Variants in NPHP4 observed in about 807,000 individuals in gnomAD.
NPHP4 encodes nephrocystin 4, also known as nephrocystin-4.
NPHP4 carries 151 observed loss-of-function variants against 155.8 expected under a neutral mutation model. The observed-to-expected ratio is 0.97, with a 90% CI of 0.85 to 1.11. NPHP4 has a LOEUF of 1.11. NPHP4 is among the 50% of genes least tolerant of loss of function. The pLI is 0.00. For missense variants in NPHP4, 1,956 were observed against 1,925.7 expected, an observed-to-expected ratio of 1.02 and a Z score of -0.29; for synonymous variants, 845 against 816.8, an observed-to-expected ratio of 1.03 and a Z score of -0.59.
intron 10 of NPHP4, among the ~76,000 whole-genome samples, chr1:5,931,733 CAAAAAAA>C (rs60217132): frequency 1.3e-5 from 1 of 79,312 alleles, no homozygotes; most frequent in Non-Finnish European, 2.3e-5. Flanking sequence ...GACTTCATCT[CAAAAAAA>C]AAAAAAAAAA....
chr1:5,924,059 G>C (rs114234711), intron 11 of NPHP4, among the ~76,000 whole-genome samples: 1 of 152,134 alleles, frequency 6.6e-6, no homozygotes, highest in African/African-American at 2.4e-5. Context: ...AAGCCCAGAC[G>C]AACTTCTAGA....
intron 2 of NPHP4, among the ~76,000 whole-genome samples, chr1:5,982,959 C>A (rs1260989000): frequency 1.3e-5 from 2 of 152,094 alleles, no homozygotes; most frequent in Non-Finnish European, 2.9e-5. Flanking sequence ...GGTGACTGTT[C>A]CATATGAACT....
Position 5,943,807 on chromosome 1 carries a change from T to C in NPHP4, c.1119+3297A>G, listed in dbSNP as rs553615881. ...ATGCAGTCAAGGTTAGGTGTGATGA[T>C]GGTGTTCACAGTGACACTCCAGAGC... On this transcript the variant is annotated intron_variant, in intron 9 of 29. Coordinates refer to ENST00000378156, the MANE Select transcript of NPHP4 (RefSeq NM_015102.5). 1.2e-3 allele frequency among the ~76,000 whole-genome samples: 182 copies of C among 152,322 alleles called. 2 individuals are homozygous for C. Among genetic ancestry groups the C allele is most frequent in the South Asian group, 5.6e-3 (27 of 4,830 alleles).
At chr1:5,899,129 C>G (rs1368441510) in intron 16 of NPHP4, among the ~76,000 whole-genome samples, 1 of 152,188 alleles carries the variant, frequency 6.6e-6, no homozygotes, top group East Asian at 1.9e-4. Flanking sequence ...TTGGCAGATC[C>G]ACTAAACCTA....
intron 11 of NPHP4, among the ~76,000 whole-genome samples, chr1:5,922,051 T>C (rs1645767061): frequency 6.6e-6 from 1 of 152,216 alleles, no homozygotes; most frequent in African/African-American, 2.4e-5. Context: ...GTGGGCCCAA[T>C]GTACTCACAA....
intron 20 of NPHP4, among the ~76,000 whole-genome samples, chr1:5,876,233 G>C (rs577673728): frequency 6.0e-5 from 9 of 149,928 alleles, no homozygotes; most frequent in Non-Finnish European, 8.9e-5. Flanking sequence ...GGGAGGGAGG[G>C]AGGAAGGGAG....
chr1:5,899,706 C>T (rs114545811), intron 16 of NPHP4, among the ~76,000 whole-genome samples: 4,246 of 152,272 alleles, frequency 0.028, 197 homozygotes, highest in African/African-American at 0.097. Context: ...TCAGAGATGG[C>T]TTTTCAGATA....
intron 17 of NPHP4, 78 bp from the exon 18 acceptor site, chr1:5,887,544 TC>T: frequency 6.7e-7 from 1 of 1,483,606 alleles, no homozygotes; most frequent in Non-Finnish European, 9.2e-7. Flanking sequence ...TGGAGGCTGC[TC>T]CCCAGCCCAG....
At position 5,875,119 on chromosome 1, in the gene NPHP4, G is replaced by A; in HGVS notation, c.2818-19C>T. 1 of 1,559,980 alleles carries A rather than the reference G, an allele frequency of 6.4e-7. No individual in the cohort carries two copies. Among genetic ancestry groups the A allele is most frequent in the Non-Finnish European group, 8.7e-7 (1 of 1,150,288 alleles). ...GCTGCGCCTGCAGACAAGAGGACAT[G>A]GGTGGACAGGGTCCCAGGCACACTC... On this transcript the variant is annotated intron_variant, in intron 20 of 29. Coordinates refer to ENST00000378156, the MANE Select transcript of NPHP4 (RefSeq NM_015102.5).
At chr1:5,902,148 G>C (rs1384634280) in intron 16 of NPHP4, among the ~76,000 whole-genome samples, 2 of 152,238 alleles carry the variant, frequency 1.3e-5, no homozygotes, top group Non-Finnish European at 2.9e-5. Context: ...TCAACTGACT[G>C]GGGATGGGGA....
chr1:5,960,637 C>T (rs546881905), intron 6 of NPHP4, among the ~76,000 whole-genome samples: 1 of 152,088 alleles, frequency 6.6e-6, no homozygotes, highest in East Asian at 1.9e-4. Flanking sequence ...CATCACATGA[C>T]AGGTAGAAGG....
intron 1 of NPHP4, 30 bp from the exon 2 acceptor site, chr1:5,986,357 G>T: frequency 1.3e-6 from 2 of 1,571,542 alleles, no homozygotes; most frequent in South Asian, 2.3e-5. Context: ...ATAAAGAGAA[G>T]AGCTGTGAGG....
At chr1:5,990,688 T>C (rs1656113959) in intron 1 of NPHP4, among the ~76,000 whole-genome samples, 1 of 152,134 alleles carries the variant, frequency 6.6e-6, no homozygotes, top group Admixed American at 6.5e-5. Flanking sequence ...TGTAAGCTAT[T>C]ATAACTACCT....
intron 11 of NPHP4, among the ~76,000 whole-genome samples, chr1:5,925,950 C>A (rs1645981913): frequency 6.6e-6 from 1 of 152,152 alleles, no homozygotes; most frequent in African/African-American, 2.4e-5. Flanking sequence ...TTTATTATGA[C>A]CCTTTGTTTA....
At position 5,873,306 on chromosome 1, in the gene NPHP4, G is replaced by A. The variant is rs1642205552; in HGVS notation, c.3261C>T (p.Gly1087=). Reference sequence around the variant, plus strand: ...ACTTCCAAGGTGACACGGCGTCCATGCCCTTCTCGTTGCTCAACCCAGGAG... The same window carrying A: ...ACTTCCAAGGTGACACGGCGTCCATACCCTTCTCGTTGCTCAACCCAGGAG... ...QASPGLSNEK[G]MDAVSPWKSS... is the part of the protein sequence containing the mutation. The change falls in exon 23 of 30, where the codon GGC becomes GGT. Residue 1087 remains glycine, a synonymous_variant. Transcript: ENST00000378156. 2 of 1,613,858 alleles carry A rather than the reference G, an allele frequency of 1.2e-6. No individual in the cohort carries two copies. The highest frequency in any genetic ancestry group is 1.7e-6 in the Non-Finnish European group (2 of 1,179,860).
intron 9 of NPHP4, 125 bp downstream of exon 9, chr1:5,946,979 T>C: frequency 9.6e-7 from 1 of 1,036,842 alleles, no homozygotes; most frequent in Non-Finnish European, 1.5e-6. Context: ...GTAAAGTGAT[T>C]TTTACTTATT....
intron 2 of NPHP4, among the ~76,000 whole-genome samples, chr1:5,984,304 G>A (rs866403418): frequency 6.6e-6 from 1 of 152,076 alleles, no homozygotes; most frequent in Non-Finnish European, 1.5e-5. Flanking sequence ...AGGTAGAGGC[G>A]GGCAGATCAC....
At chr1:5,960,808 T>C (rs536673075) in intron 6 of NPHP4, among the ~76,000 whole-genome samples, 2 of 151,756 alleles carry the variant, frequency 1.3e-5, no homozygotes, top group African/African-American at 4.8e-5. Context: ...GTCGACCCAA[T>C]TCCACCACCA....
intron 19 of NPHP4, 81 bp downstream of exon 19, chr1:5,880,033 A>G (rs1290943533): frequency 9.7e-7 from 1 of 1,035,030 alleles, no homozygotes; most frequent in Non-Finnish European, 1.4e-6. Context: ...ACACGCATGC[A>G]CACACACACA....
Sources: gnomAD v4.1 joint callset for allele counts (sites outside exome capture counted in the v4.1 genomes callset) on GRCh38, gnomAD v4.1.1 for gene constraint, MANE v1.5 for transcripts, NCBI Gene and HGNC (gene_info 2026-07-23, HGNC 2026-07-21) for gene names.